QSOX1: variants seen among roughly 807,000 people sequenced by gnomAD.
QSOX1 encodes sulfhydryl oxidase 1.
QSOX1 carries 40 observed loss-of-function variants against 76.1 expected under a neutral mutation model. That is an observed-to-expected ratio of 0.53 (90% CI 0.41 to 0.68). QSOX1 has a LOEUF of 0.68. Among genes scored for constraint, QSOX1 ranks in the 30% least tolerant of loss-of-function variants. QSOX1 has a pLI of 0.00. For missense variants in QSOX1, 931 were observed against 974.3 expected, an observed-to-expected ratio of 0.96 and a Z score of 0.59; for synonymous variants, 392 against 413.1, an observed-to-expected ratio of 0.95 and a Z score of 0.62.
At chr1:180,178,262 G>A (rs1249727776) in intron 4 of QSOX1, among the ~76,000 whole-genome samples, 4 of 152,142 alleles carry the variant, frequency 2.6e-5, no homozygotes, top group East Asian at 1.9e-4. Flanking sequence ...TTTTGGAGAC[G>A]GAGTTTTGCT....
At chr1:180,185,414 A>C (rs777123345) in intron 7 of QSOX1, among the ~76,000 whole-genome samples, 1 of 152,212 alleles carries the variant, frequency 6.6e-6, no homozygotes, top group African/African-American at 2.4e-5. Flanking sequence ...GGACCCCAGC[A>C]TGATGGGCCT....
intron 5 of QSOX1, among the ~76,000 whole-genome samples, chr1:180,181,767 A>G (rs3820307): frequency 0.53 from 80,779 of 152,100 alleles, 25,018 homozygotes; most frequent in Non-Finnish European, 0.69. Context: ...GACATCAGAG[A>G]GCAGTCTTGG....
At chr1:180,172,890 C>G (rs1662796569) in intron 2 of QSOX1, among the ~76,000 whole-genome samples, 1 of 151,982 alleles carries the variant, frequency 6.6e-6, no homozygotes, top group South Asian at 2.1e-4. Flanking sequence ...ATGTGGGTGA[C>G]CTGATGGTTG....
intron 5 of QSOX1, among the ~76,000 whole-genome samples, chr1:180,181,053 G>A (rs1236310810): frequency 6.6e-6 from 1 of 152,120 alleles, no homozygotes; most frequent in African/African-American, 2.4e-5. Flanking sequence ...GCATCTCTTA[G>A]TCTCCTGAGA....
chr1:180,198,579 A>G lies in QSOX1; in HGVS notation c.*1542A>G, dbSNP rs1663564085. On this transcript the variant is annotated 3_prime_UTR_variant, in exon 12 of 12. Coordinates refer to ENST00000367602, the MANE Select transcript of QSOX1 (RefSeq NM_002826.5). ...GTGGAGCAGGTGGGATGCCAAGGCC[A>G]CTCCTGCTATGGGGCAGCTGGGGCT... 2 of 355,402 alleles carry G rather than the reference A, an allele frequency of 5.6e-6. No individual in the cohort carries two copies. Among genetic ancestry groups the G allele is most frequent in the South Asian group, 4.1e-5 (2 of 48,470 alleles). The allele number at this position is 355,402 out of a possible 1,614,324, so 22.0% of individuals were successfully genotyped here.
chr1:180,162,160 A>G (rs112973644), intron 1 of QSOX1, among the ~76,000 whole-genome samples: 5 of 152,356 alleles, frequency 3.3e-5, no homozygotes, highest in African/African-American at 1.2e-4. Context: ...TCATATTTCT[A>G]GGAATATCAT....
chr1:180,172,251 A>T (rs1416529120), intron 2 of QSOX1, among the ~76,000 whole-genome samples: 1 of 152,134 alleles, frequency 6.6e-6, no homozygotes, highest in African/African-American at 2.4e-5. Flanking sequence ...AGAAAAGAGG[A>T]ATGATGAGAG....
intron 5 of QSOX1, among the ~76,000 whole-genome samples, chr1:180,181,720 T>C (rs1026092530): frequency 2.1e-4 from 32 of 152,128 alleles, no homozygotes; most frequent in African/African-American, 7.2e-4. Context: ...TCTTTTCCCT[T>C]TAGAAAAATG....
At chr1:180,168,775 C>G (rs1572041179) in intron 2 of QSOX1, among the ~76,000 whole-genome samples, 1 of 152,032 alleles carries the variant, frequency 6.6e-6, no homozygotes, top group Admixed American at 6.6e-5. Context: ...TTCCAATATC[C>G]AGAGATTCGG....
At chr1:180,184,204 C>T (rs1164633695) in intron 7 of QSOX1, among the ~76,000 whole-genome samples, 154 bp downstream of exon 7, 1 of 152,198 alleles carries the variant, frequency 6.6e-6, no homozygotes, top group African/African-American at 2.4e-5. Flanking sequence ...TGGGGTCTGG[C>T]CATGCTCAGG....
chr1:180,183,602 C>T (rs13375480), intron 6 of QSOX1, among the ~76,000 whole-genome samples: 1,747 of 152,282 alleles, frequency 0.011, 30 homozygotes, highest in African/African-American at 0.04. Context: ...CGGGCTGTCC[C>T]GTGCCTTTCC....
chr1:180,167,692 C>T (rs1325503210), intron 2 of QSOX1, among the ~76,000 whole-genome samples: 3 of 152,352 alleles, frequency 2.0e-5, no homozygotes, highest in Admixed American at 6.5e-5. Context: ...CAGGGCCCCC[C>T]AGGCCCCAGG....
intron 1 of QSOX1, among the ~76,000 whole-genome samples, chr1:180,165,782 G>A (rs563478031): frequency 6.6e-6 from 1 of 152,250 alleles, no homozygotes; most frequent in Non-Finnish European, 1.5e-5. Flanking sequence ...TGGTATATGA[G>A]CTTGTTTCTT....
chr1:180,158,889 T>C (rs560888419), intron 1 of QSOX1, among the ~76,000 whole-genome samples: 1 of 152,292 alleles, frequency 6.6e-6, no homozygotes, highest in Non-Finnish European at 1.5e-5. Context: ...GCATTAGAGA[T>C]CATTCATCCT....
At chr1:180,186,530 G>A (rs1489564497) in intron 8 of QSOX1, among the ~76,000 whole-genome samples, 1 of 152,082 alleles carries the variant, frequency 6.6e-6, no homozygotes, top group African/African-American at 2.4e-5. Flanking sequence ...CCCTTTCTGT[G>A]GTCACTGGGA....
intron 3 of QSOX1, 64 bp from the exon 4 acceptor site, chr1:180,175,867 C>T: frequency 7.7e-7 from 1 of 1,302,476 alleles, no homozygotes; most frequent in Non-Finnish European, 1.1e-6. Context: ...GTGAAGGTGG[C>T]CAGTGTGCTG....
intron 1 of QSOX1, among the ~76,000 whole-genome samples, chr1:180,160,081 C>CT (rs1238058490): frequency 1.3e-5 from 2 of 152,060 alleles, no homozygotes; most frequent in Non-Finnish European, 2.9e-5. Flanking sequence ...ATTTAAGACT[C>CT]TTTGAGAGGA....
At chr1:180,187,669 C>T (rs1028516463) in intron 8 of QSOX1, among the ~76,000 whole-genome samples, 1 of 152,376 alleles carries the variant, frequency 6.6e-6, no homozygotes. Context: ...AGGCATCACC[C>T]CCTCTGTGCC....
chr1:180,157,682 A>G (rs2149228167), intron 1 of QSOX1, among the ~76,000 whole-genome samples: 1 of 152,258 alleles, frequency 6.6e-6, no homozygotes, highest in Non-Finnish European at 1.5e-5. Context: ...TGTTTCTGAG[A>G]ACCTGGTTTA....
Sources: allele counts gnomAD v4.1 joint callset (sites outside exome capture counted in the v4.1 genomes callset), GRCh38; gene constraint gnomAD v4.1.1; transcripts MANE v1.5; gene names NCBI Gene and HGNC (gene_info 2026-07-23, HGNC 2026-07-21).